Variants in SHISA9 observed in about 807,000 individuals in gnomAD.
The protein encoded by SHISA9 is protein shisa-9.
Under a neutral mutation model 38.0 loss-of-function variants are expected in SHISA9, and 13 were observed. That is an observed-to-expected ratio of 0.34 (90% CI 0.22 to 0.54). The LOEUF (loss-of-function observed/expected upper bound fraction) is 0.54, where lower values mean the gene tolerates loss of function less well. Among genes scored for constraint, SHISA9 ranks in the 20% least tolerant of loss-of-function variants. The pLI, the probability that SHISA9 is intolerant of heterozygous loss-of-function variation, is 0.91. For missense variants in SHISA9, 538 were observed against 575.8 expected, an observed-to-expected ratio of 0.93 and a Z score of 0.67; for synonymous variants, 275 against 242.0, an observed-to-expected ratio of 1.14 and a Z score of -1.27.
chr16:12,958,446 T>C (rs1323607906), intron 2 of SHISA9, among the ~76,000 whole-genome samples: 1 of 152,234 alleles, frequency 6.6e-6, no homozygotes, highest in Non-Finnish European at 1.5e-5. Context: ...AGCCCAAATC[T>C]CTGCTTTGGC....
the SHISA9 span, among the ~76,000 whole-genome samples, chr16:13,346,040 G>A: frequency 1.2e-4 from 18 of 152,248 alleles, no homozygotes; most frequent in African/African-American, 4.1e-4. Context: ...TAAAGCCTGG[G>A]CTTTTAGTGT....
intron 2 of SHISA9, among the ~76,000 whole-genome samples, chr16:13,015,994 C>G (rs867608330): frequency 5.1e-5 from 6 of 116,716 alleles, no homozygotes; most frequent in African/African-American, 2.0e-4. Context: ...CCCTTCTTTT[C>G]TTTTCTTCCT....
chr16:13,036,741 A>G (rs563548710), intron 2 of SHISA9, among the ~76,000 whole-genome samples: 2 of 101,436 alleles, frequency 2.0e-5, no homozygotes, highest in Admixed American at 1.0e-4. Flanking sequence ...CTTGAAGTTC[A>G]GAGGAGGAAA....
intron 2 of SHISA9, 50 bp from the exon 3 acceptor site, chr16:13,203,344 G>A (rs1472790560): frequency 1.4e-6 from 2 of 1,419,346 alleles, no homozygotes; most frequent in Middle Eastern, 1.9e-4. Flanking sequence ...AGGGAAGGTA[G>A]ATGGTTCTGC....
intron 2 of SHISA9, among the ~76,000 whole-genome samples, chr16:12,976,196 T>C (rs999645202): frequency 3.3e-5 from 5 of 152,178 alleles, no homozygotes; most frequent in African/African-American, 1.2e-4. Flanking sequence ...CAAGAGATTC[T>C]TGTGCCTCAG....
chr16:13,156,530 C>G (rs989422679), intron 2 of SHISA9, among the ~76,000 whole-genome samples: 7 of 151,986 alleles, frequency 4.6e-5, no homozygotes, highest in African/African-American at 1.4e-4. Flanking sequence ...GTCGGGAGAT[C>G]GAGACCATCT....
intron 1 of SHISA9, among the ~76,000 whole-genome samples, chr16:12,912,659 A>C (rs1325673798): frequency 6.6e-6 from 1 of 152,046 alleles, no homozygotes; most frequent in Non-Finnish European, 1.5e-5. Context: ...AGCCCCTTTG[A>C]GTTTCAGACC....
intron 2 of SHISA9, among the ~76,000 whole-genome samples, chr16:13,131,301 G>A (rs960070026): frequency 7.2e-5 from 11 of 152,118 alleles, no homozygotes; most frequent in South Asian, 2.1e-4. Flanking sequence ...GAACGAGATC[G>A]TGTCCTTTAC....
intron 1 of SHISA9, among the ~76,000 whole-genome samples, chr16:12,907,966 C>T (rs1364260595): frequency 1.3e-5 from 2 of 152,182 alleles, no homozygotes; most frequent in East Asian, 3.9e-4. Context: ...CTCTGCATAG[C>T]GCAGACTCCA....
the SHISA9 span, among the ~76,000 whole-genome samples, chr16:13,245,990 C>T: frequency 1.3e-5 from 2 of 152,130 alleles, no homozygotes; most frequent in Admixed American, 1.3e-4. Flanking sequence ...TCTCTCCAGC[C>T]CAGTACTTGC....
At chr16:13,117,011 C>T (rs2074036820) in intron 2 of SHISA9, among the ~76,000 whole-genome samples, 1 of 152,148 alleles carries the variant, frequency 6.6e-6, no homozygotes, top group Admixed American at 6.5e-5. Flanking sequence ...CACTCTGTTG[C>T]CCAGGCTGGA....
chr16:13,200,751 C>T (rs1488835054), intron 2 of SHISA9, among the ~76,000 whole-genome samples: 1 of 135,268 alleles, frequency 7.4e-6, no homozygotes, highest in Non-Finnish European at 1.6e-5. Flanking sequence ...AGACGTTGGC[C>T]AAAGACTGGG....
chr16:13,313,676 T>C, the SHISA9 span, among the ~76,000 whole-genome samples: 3 of 152,232 alleles, frequency 2.0e-5, no homozygotes, highest in Admixed American at 1.3e-4. Flanking sequence ...ATATTTCTAA[T>C]TGAAGTGGAA....
chr16:13,042,949 T>C (rs748112117), intron 2 of SHISA9, among the ~76,000 whole-genome samples: 2 of 152,192 alleles, frequency 1.3e-5, no homozygotes, highest in African/African-American at 4.8e-5. Context: ...GCATATTAGT[T>C]AAGGTAATGC....
At chr16:13,068,021 G>T (rs545519238) in intron 2 of SHISA9, among the ~76,000 whole-genome samples, 10 of 152,172 alleles carry the variant, frequency 6.6e-5, no homozygotes, top group Non-Finnish European at 1.3e-4. Flanking sequence ...CGGCTGGCTG[G>T]GATGGGGCCA....
At chr16:12,929,067 T>A (rs1038239110) in intron 2 of SHISA9, among the ~76,000 whole-genome samples, 1 of 152,106 alleles carries the variant, frequency 6.6e-6, no homozygotes, top group Non-Finnish European at 1.5e-5. Context: ...ATTAGAGAAA[T>A]GCAAATGAAA....
intron 2 of SHISA9, among the ~76,000 whole-genome samples, chr16:13,065,107 C>G (rs191697883): frequency 2.8e-4 from 42 of 152,308 alleles, no homozygotes; most frequent in African/African-American, 8.9e-4. Flanking sequence ...TCCCCTAGAT[C>G]TCCCAGACCA....
chr16:13,063,047 C>A (rs1017258193), intron 2 of SHISA9, among the ~76,000 whole-genome samples: 33 of 152,148 alleles, frequency 2.2e-4, no homozygotes, highest in South Asian at 6.2e-4. Flanking sequence ...TGCTCTGTCA[C>A]CCAGGCTGGA....
the SHISA9 span, among the ~76,000 whole-genome samples, chr16:13,373,949 T>A: frequency 6.6e-6 from 1 of 152,136 alleles, no homozygotes; most frequent in Non-Finnish European, 1.5e-5. Context: ...GTTTGGGCAT[T>A]AACCCCTGGA....
Sources: gnomAD v4.1 joint callset for allele counts (sites outside exome capture counted in the v4.1 genomes callset) on GRCh38, gnomAD v4.1.1 for gene constraint, MANE v1.5 for transcripts, NCBI Gene and HGNC (gene_info 2026-07-23, HGNC 2026-07-21) for gene names.